Variants in ENPP7 observed in about 807,000 individuals in gnomAD.
ENPP7 encodes the protein ectonucleotide pyrophosphatase/phosphodiesterase 7, also known as ectonucleotide pyrophosphatase/phosphodiesterase family member 7.
Under a neutral mutation model 33.6 loss-of-function variants are expected in ENPP7, and 39 were observed. That is an observed-to-expected ratio of 1.16 (90% CI 0.90 to 1.52). ENPP7 has a LOEUF of 1.52. Ranked by LOEUF, ENPP7 falls within the 40% of genes most tolerant of loss-of-function variation. ENPP7 has a pLI of 0.00. For synonymous variants in ENPP7, 244 were observed against 274.3 expected (o/e 0.89, Z 1.09); for missense variants, 594 against 641.0 (o/e 0.93, Z 0.79).
chr17:79,738,199 G>C lies in ENPP7; in HGVS notation c.*16+137G>C, dbSNP rs1277902121. ...CAAGCAGGTGACTCCCACTGACCTG[G>C]CTGCCCCAGAGAGGCCATCACCCCT... On this transcript the variant is annotated intron_variant, in intron 5 of 5. Coordinates refer to ENST00000328313, the MANE Select transcript of ENPP7 (RefSeq NM_178543.5). This position sits in a 1 kb window ranked among gnomAD's most constrained non-coding sequence, Gnocchi z 6.2. The C allele has an allele frequency of 3.6e-6, 3 of 845,050 alleles. No homozygotes were observed. Among genetic ancestry groups the C allele is most frequent in the Non-Finnish European group, 5.5e-6 (3 of 545,088 alleles). The allele number at this position is 845,050 out of a possible 1,614,324, so 52.3% of individuals were successfully genotyped here.
chr17:79,736,859 C>A lies in ENPP7; in HGVS notation c.1027-182C>A, dbSNP rs144762544. Among the ~76,000 whole-genome samples the A allele has an allele frequency of 2.0e-5, 3 of 152,360 alleles. No homozygotes were observed. The East Asian group carries it at 5.8e-4, about 29-fold the overall frequency. Reference sequence around the variant, plus strand: ...TTCATTTAACTGGACCTTCCCTGAACTTCACTCTTTAGGGTGACTGATCTT... The same window carrying A: ...TTCATTTAACTGGACCTTCCCTGAAATTCACTCTTTAGGGTGACTGATCTT... On this transcript the variant is annotated intron_variant, in intron 3 of 5. Transcript: ENST00000328313.
chr17:79,732,149 T>TATATATACACAC (rs1171801654), intron 1 of ENPP7, among the ~76,000 whole-genome samples: 2 of 34,132 alleles, frequency 5.9e-5, no homozygotes, highest in African/African-American at 2.0e-4. Flanking sequence ...TATATATATA[T>TATATATACACAC]ACACACACAT....
chr17:79,736,499 C>T (rs1010470168), intron 3 of ENPP7, among the ~76,000 whole-genome samples: 2 of 151,314 alleles, frequency 1.3e-5, no homozygotes, highest in Non-Finnish European at 2.9e-5. Context: ...TGTGTGTGCA[C>T]GTCTGTATCC....
chr17:79,736,900 C>T (rs1220876761), intron 3 of ENPP7, 141 bp from the exon 4 acceptor site: 13 of 658,656 alleles, frequency 2.0e-5, no homozygotes, highest in Middle Eastern at 2.7e-4. Flanking sequence ...GCTCAGAATT[C>T]GGGGAAACTG....
At position 79,742,078 on chromosome 17, in the gene ENPP7, G is replaced by T. The variant is rs1157664271; in HGVS notation, c.*301G>T. ...TCCTCCTGCAAAACCCGCTCCCGAA[G>T]CGGCGCTGCCGTCTGCAGCCACGCG... On this transcript the variant is annotated 3_prime_UTR_variant, in exon 6 of 6. Transcript: ENST00000328313. The T allele has an allele frequency of 2.4e-6, 1 of 423,262 alleles. No individual in the cohort carries two copies. The highest frequency in any genetic ancestry group is 2.2e-5 in the African/African-American group (1 of 46,266). 26.2% of individuals were successfully genotyped at this position (423,262 alleles called of 1,614,324 possible). A position where few individuals can be genotyped will look rare whatever the true frequency, so the allele number is the denominator to read the frequency against.
rs373921780 is a variant in ENPP7, at chr17:79,734,968, C to A, written c.400-75C>A. 6 of 1,501,062 alleles carry A rather than the reference C, an allele frequency of 4.0e-6. No homozygotes were observed. The African/African-American group carries it at 4.1e-5, about 10-fold the overall frequency. The allele number at this position is 1,501,062 out of a possible 1,614,324, so 93.0% of individuals were successfully genotyped here. A position where few individuals can be genotyped will look rare whatever the true frequency, so the allele number is the denominator to read the frequency against. On this transcript the variant is annotated intron_variant, in intron 2 of 5. Transcript: ENST00000328313. ...AACAGAGAAGTAGGCACGTGGGGGA[C>A]AAATGTGTTCACAGGCATGAGACAA...
chr17:79,735,967 T>C lies in ENPP7; in HGVS notation c.1026+298T>C, dbSNP rs1393506331. On this transcript the variant is annotated intron_variant, in intron 3 of 5. Coordinates refer to ENST00000328313, the MANE Select transcript of ENPP7 (RefSeq NM_178543.5). This position sits in a 1 kb window ranked among gnomAD's most constrained non-coding sequence, Gnocchi z 5.5. ...TCTTGTCATCCAGGCTGGAGGGTAA[T>C]GGTGCCATCTTGGCTCGCTGCATCC... Among the ~76,000 whole-genome samples the C allele has an allele frequency of 6.6e-6, 1 of 152,200 alleles. No homozygotes were observed. The highest frequency in any genetic ancestry group is 6.6e-5 in the Admixed American group (1 of 15,266).
rs2094299510 is a variant in ENPP7, at chr17:79,738,192, T to C, written c.*16+130T>C. The C allele has an allele frequency of 3.4e-6, 3 of 890,474 alleles. No individual in the cohort carries two copies. Among genetic ancestry groups the C allele is most frequent in the South Asian group, 1.6e-5 (1 of 62,502 alleles). 55.2% of individuals were successfully genotyped at this position (890,474 alleles called of 1,614,324 possible). On this transcript the variant is annotated intron_variant, in intron 5 of 5. Transcript: ENST00000328313. The surrounding 1 kb of genome is among the most constrained non-coding windows in gnomAD (Gnocchi z 6.2). ...GCCCCGCCAAGCAGGTGACTCCCAC[T>C]GACCTGGCTGCCCCAGAGAGGCCAT...
rs782707558 is a variant in ENPP7, at chr17:79,733,538, A to C, written c.284A>C (p.His95Pro). Reference protein sequence around the residue: ...GKYIENHGVVHNMYYNTTSKV... With the variant: ...GKYIENHGVVPNMYYNTTSKV... ...TATATCGAGAACCACGGGGTGGTTCACAACATGTACTACAACACCACCAGC... is the reference window on the plus strand; with the variant it reads ...TATATCGAGAACCACGGGGTGGTTCCCAACATGTACTACAACACCACCAGC... Residue 95 changes from histidine (H) to proline (P), a missense_variant, in exon 2 of 6, where the codon CAC becomes CCC. His to Pro is a moderately conservative substitution (Grantham distance 77, BLOSUM62 -2). Coordinates refer to ENST00000328313, the MANE Select transcript of ENPP7 (RefSeq NM_178543.5). The C allele has an allele frequency of 1.9e-6, 3 of 1,613,444 alleles. No homozygotes were observed. The highest frequency in any genetic ancestry group is 2.5e-6 in the Non-Finnish European group (3 of 1,179,936).
rs1295033932 is a variant in ENPP7, at chr17:79,739,626, G to C, written c.*16+1564G>C. 6.6e-6 allele frequency: 1 copy of C among 152,360 alleles called. No individual in the cohort carries two copies. Among genetic ancestry groups the C allele is most frequent in the African/African-American group, 2.4e-5 (1 of 41,464 alleles). 9.4% of individuals were successfully genotyped at this position (152,360 alleles called of 1,614,324 possible). ...CTAAACTGTTGGGGACAGGAGTCGG[G>C]GGGGCCGAGACTTGTTTCGGCCGTG... On this transcript the variant is annotated intron_variant, in intron 5 of 5. Coordinates refer to ENST00000328313, the MANE Select transcript of ENPP7 (RefSeq NM_178543.5). The surrounding 1 kb of genome is among the most constrained non-coding windows in gnomAD (Gnocchi z 4.4).
Position 79,735,727 on chromosome 17 carries a change from T to TA in ENPP7, c.1026+58_1026+59insA. 6.8e-7 allele frequency: 1 copy of TA among 1,472,294 alleles called. No individual in the cohort carries two copies. The highest frequency in any genetic ancestry group is 9.1e-7 in the Non-Finnish European group (1 of 1,102,172). 91.2% of individuals were successfully genotyped at this position (1,472,294 alleles called of 1,614,324 possible). On this transcript the variant is annotated intron_variant, in intron 3 of 5. Coordinates refer to ENST00000328313, the MANE Select transcript of ENPP7 (RefSeq NM_178543.5). The surrounding 1 kb of genome is among the most constrained non-coding windows in gnomAD (Gnocchi z 5.5). The stretch of plus-strand genomic sequence containing the variant: ...GGCTCCCTCCCCAGGCTCTGGGTCT[T>TA]CTTTTTTTTTTTTTGAGACCAGGGT...
At position 79,735,675 on chromosome 17, in the gene ENPP7, T is replaced by C. The variant is rs200199627; in HGVS notation, c.1026+6T>C. ...TTGGCTACGTCATCCATGGGGTGAG[T>C]CGCCTGCTGGAGGCACCACCTCCAG... On this transcript the variant is annotated splice_donor_region_variant and intron_variant, in intron 3 of 5. Transcript: ENST00000328313. The surrounding 1 kb of genome is among the most constrained non-coding windows in gnomAD (Gnocchi z 5.5). 1.9e-6 allele frequency: 3 copies of C among 1,595,290 alleles called. No individual in the cohort carries two copies. In the East Asian group the frequency reaches 6.8e-5, roughly 36 times the overall value.
intron 1 of ENPP7, among the ~76,000 whole-genome samples, chr17:79,731,871 G>T (rs1555822572): frequency 6.6e-6 from 1 of 152,112 alleles, no homozygotes; most frequent in Non-Finnish European, 1.5e-5. Context: ...GCTGAGGCGG[G>T]CGGATCACTG....
chr17:79,738,149 C>T lies in ENPP7; in HGVS notation c.*16+87C>T. On this transcript the variant is annotated intron_variant, in intron 5 of 5. Coordinates refer to ENST00000328313, the MANE Select transcript of ENPP7 (RefSeq NM_178543.5). This position sits in a 1 kb window ranked among gnomAD's most constrained non-coding sequence, Gnocchi z 6.2. Reference sequence around the variant, plus strand: ...ATGTCCCAGCTACAGTCCTAGGCAACCAGAACAGAGCTGCCAGGCCCCGCC... The same window carrying T: ...ATGTCCCAGCTACAGTCCTAGGCAATCAGAACAGAGCTGCCAGGCCCCGCC... 1 of 1,418,100 alleles carries T rather than the reference C, an allele frequency of 7.1e-7. No individual in the cohort carries two copies. Among genetic ancestry groups the T allele is most frequent in the Non-Finnish European group, 9.7e-7 (1 of 1,032,514 alleles). 87.8% of individuals were successfully genotyped at this position (1,418,100 alleles called of 1,614,324 possible). A position where few individuals can be genotyped will look rare whatever the true frequency, so the allele number is the denominator to read the frequency against.
chr17:79,736,536 CGTGT>C (rs58744239), intron 3 of ENPP7, among the ~76,000 whole-genome samples: 1,813 of 146,008 alleles, frequency 0.012, 24 homozygotes, highest in African/African-American at 0.028. Context: ...GTGTGATAGG[CGTGT>C]GTGTGTGTGT....
At chr17:79,740,778 G>A (rs782607686) in intron 5 of ENPP7, among the ~76,000 whole-genome samples, 7 of 152,120 alleles carry the variant, frequency 4.6e-5, no homozygotes, top group South Asian at 4.2e-4. Flanking sequence ...TTTCTGCGGC[G>A]TGAATACTCC....
intron 2 of ENPP7, among the ~76,000 whole-genome samples, chr17:79,734,463 C>T (rs1043074708): frequency 6.8e-6 from 1 of 147,562 alleles, no homozygotes; most frequent in Non-Finnish European, 1.5e-5. Flanking sequence ...GAGGCAGACA[C>T]TGCGTATCTG....
At position 79,735,361 on chromosome 17, in the gene ENPP7, A is replaced by C; in HGVS notation, c.718A>C (p.Asn240His). The stretch of plus-strand genomic sequence containing the variant: ...GCGCAACCACCTCACAGACCGCCTC[A>C]ACCTGATCATCACATCCGACCACGG... ...IARNHLTDRL[N>H]LIITSDHGMT... Residue 240 changes from asparagine (N) to histidine (H), a missense_variant, in exon 3 of 6, where the codon AAC (asparagine) becomes CAC (histidine). Coordinates refer to ENST00000328313, the MANE Select transcript of ENPP7 (RefSeq NM_178543.5). This position sits in a 1 kb window ranked among gnomAD's most constrained non-coding sequence, Gnocchi z 5.5. 2 of 1,613,934 alleles carry C rather than the reference A, an allele frequency of 1.2e-6. No individual in the cohort carries two copies. Among genetic ancestry groups the C allele is most frequent in the Non-Finnish European group, 1.7e-6 (2 of 1,180,000 alleles).
At chr17:79,733,235 G>A (rs1287986732) in intron 1 of ENPP7, among the ~76,000 whole-genome samples, 1 of 152,188 alleles carries the variant, frequency 6.6e-6, no homozygotes, top group Admixed American at 6.5e-5. Flanking sequence ...CTGTGTGCCC[G>A]TCCAGCTGTG....
Sources: gnomAD v4.1 joint callset for allele counts (sites outside exome capture counted in the v4.1 genomes callset) on GRCh38, gnomAD v4.1.1 for gene constraint, Gnocchi (gnomAD v3.1) non-coding constraint, MANE v1.5 for transcripts, NCBI Gene and HGNC (gene_info 2026-07-23, HGNC 2026-07-21) for gene names.